SLC9A9: variants seen among roughly 807,000 people sequenced by gnomAD.
SLC9A9 encodes solute carrier family 9 member A9, also known as sodium/hydrogen exchanger 9.
SLC9A9 carries 62 observed loss-of-function variants against 77.8 expected under a neutral mutation model. The observed-to-expected ratio is 0.80, with a 90% CI of 0.65 to 0.98. The LOEUF (loss-of-function observed/expected upper bound fraction) is 0.98. Among genes scored for constraint, SLC9A9 ranks in the 50% least tolerant of loss-of-function variants. The probability of loss-of-function intolerance (pLI) is 0.00; values close to 1 mark genes in which losing one functional copy is unlikely to be tolerated. For synonymous variants in SLC9A9, 320 were observed against 283.5 expected, an observed-to-expected ratio of 1.13 and a Z score of -1.29; for missense variants, 775 against 774.9, an observed-to-expected ratio of 1.00 and a Z score of 0.00.
rs559072875 is a variant in SLC9A9 at position 143,268,990 on chromosome 3, C to A, written c.1605-10G>T. 6.3e-7 allele frequency: 1 copy of A among 1,587,922 alleles called. No homozygotes were observed. Among genetic ancestry groups the A allele is most frequent in the Admixed American group, 1.7e-5 (1 of 59,968 alleles). On this transcript the variant is annotated splice_polypyrimidine_tract_variant and intron_variant, in intron 14 of 15. Coordinates refer to ENST00000316549, the MANE Select transcript of SLC9A9 (RefSeq NM_173653.4). ...AATTGGTTTCAGATACCTGGGAGGC[C>A]TGTTAAGGAATACTTGTCAACAGGG... is the stretch of plus-strand genomic sequence containing the variant.
chr3:143,792,896 A>G (rs2008264599), intron 4 of SLC9A9, among the ~76,000 whole-genome samples: 1 of 152,166 alleles, frequency 6.6e-6, no homozygotes, highest in Non-Finnish European at 1.5e-5. Flanking sequence ...ACCTCCCTAA[A>G]GTATGAATCT....
chr3:143,698,663 C>G (rs1933707147), intron 4 of SLC9A9, among the ~76,000 whole-genome samples: 2 of 152,168 alleles, frequency 1.3e-5, no homozygotes, highest in African/African-American at 2.4e-5. Flanking sequence ...GTAACTTAAT[C>G]TCAGTATTCT....
At chr3:143,754,265 T>C (rs1169097650) in intron 4 of SLC9A9, among the ~76,000 whole-genome samples, 1 of 152,250 alleles carries the variant, frequency 6.6e-6, no homozygotes, top group African/African-American at 2.4e-5. Context: ...TCTGTTTCAG[T>C]AAAAGTCCCA....
rs1196643809 is a variant in SLC9A9, at chr3:143,834,578, T to TTTC, written c.176-2358_176-2357insGAA. ...CCTAGTGGGCGAGGCACTCTTTTTT[T>TTTC]TTTTTTTTTTTTTTACAAAATGCTT... On this transcript the variant is annotated intron_variant, in intron 1 of 15. Transcript: ENST00000316549. Among the ~76,000 whole-genome samples, 3 of 150,230 alleles carry TTTC rather than the reference T, an allele frequency of 2.0e-5. No homozygotes were observed. The East Asian group carries it at 5.9e-4, about 29-fold the overall frequency.
intron 9 of SLC9A9, among the ~76,000 whole-genome samples, chr3:143,502,889 A>T (rs1023259947): frequency 1.3e-5 from 2 of 152,200 alleles, no homozygotes; most frequent in African/African-American, 4.8e-5. Context: ...GGAGCTTTCT[A>T]CACAGAATAT....
intron 12 of SLC9A9, among the ~76,000 whole-genome samples, chr3:143,464,631 G>A (rs979609198): frequency 4.5e-4 from 68 of 152,108 alleles, no homozygotes; most frequent in African/African-American, 1.6e-3. Flanking sequence ...CTCCACTAGC[G>A]GTAGGAAGTC....
chr3:143,390,323 A>C (rs1305805223), intron 12 of SLC9A9, among the ~76,000 whole-genome samples: 1 of 152,216 alleles, frequency 6.6e-6, no homozygotes, highest in Non-Finnish European at 1.5e-5. Flanking sequence ...GAACATTAGG[A>C]GTTAGACATT....
At chr3:143,582,375 C>A (rs901876598) in intron 6 of SLC9A9, among the ~76,000 whole-genome samples, 1 of 152,138 alleles carries the variant, frequency 6.6e-6, no homozygotes, top group Admixed American at 6.5e-5. Flanking sequence ...TGGATTAAGT[C>A]GTTCCTTGAG....
intron 6 of SLC9A9, among the ~76,000 whole-genome samples, chr3:143,598,646 G>T (rs1395226124): frequency 3.9e-5 from 6 of 152,260 alleles, no homozygotes; most frequent in Admixed American, 6.5e-5. Context: ...AAGCACTGCT[G>T]ATGGGGCTCA....
intron 12 of SLC9A9, among the ~76,000 whole-genome samples, chr3:143,426,513 AT>A (rs2034411205): frequency 6.6e-6 from 1 of 152,062 alleles, no homozygotes; most frequent in Non-Finnish European, 1.5e-5. Context: ...TGTAGTAGCA[AT>A]TTTTCTAGCC....
At chr3:143,837,153 T>C (rs944561592) in intron 1 of SLC9A9, among the ~76,000 whole-genome samples, 6 of 152,184 alleles carry the variant, frequency 3.9e-5, no homozygotes, top group Non-Finnish European at 5.9e-5. Context: ...GATTTTAATC[T>C]CTTTGGCTGT....
At chr3:143,479,720 A>G (rs2035542021) in intron 11 of SLC9A9, among the ~76,000 whole-genome samples, 1 of 151,862 alleles carries the variant, frequency 6.6e-6, no homozygotes, top group African/African-American at 2.4e-5. Context: ...GAGAGAGGAG[A>G]GCAGGAGCCA....
intron 1 of SLC9A9, among the ~76,000 whole-genome samples, chr3:143,842,955 A>G (rs1026308355): frequency 2.0e-5 from 3 of 152,176 alleles, no homozygotes; most frequent in Non-Finnish European, 4.4e-5. Flanking sequence ...TGGAAGGGAG[A>G]CATGTGATAT....
intron 12 of SLC9A9, among the ~76,000 whole-genome samples, chr3:143,462,892 A>G (rs1438141425): frequency 6.6e-6 from 1 of 152,204 alleles, no homozygotes; most frequent in African/African-American, 2.4e-5. Flanking sequence ...TAGGCTCCCC[A>G]GATTGGAGCC....
intron 12 of SLC9A9, among the ~76,000 whole-genome samples, chr3:143,444,433 G>A (rs2034806178): frequency 1.3e-5 from 2 of 152,178 alleles, no homozygotes; most frequent in African/African-American, 4.8e-5. Flanking sequence ...CAGCAGCCTA[G>A]GCCACTTGGA....
intron 6 of SLC9A9, among the ~76,000 whole-genome samples, chr3:143,641,458 A>G (rs1051849146): frequency 3.1e-4 from 43 of 136,748 alleles, no homozygotes; most frequent in African/African-American, 1.1e-3. Flanking sequence ...CAGTGGCGCA[A>G]TCTTGACTCA....
chr3:143,275,215 A>G (rs917456052), intron 14 of SLC9A9, among the ~76,000 whole-genome samples: 26 of 152,220 alleles, frequency 1.7e-4, no homozygotes, highest in African/African-American at 6.3e-4. Flanking sequence ...TTTGACATGC[A>G]AAGTTGTTCC....
chr3:143,321,143 C>T (rs1484712557), intron 14 of SLC9A9, among the ~76,000 whole-genome samples: 2 of 152,146 alleles, frequency 1.3e-5, no homozygotes, highest in Non-Finnish European at 2.9e-5. Context: ...TTGTTTTAAG[C>T]CACCCAGTTT....
chr3:143,593,870 TAAACCCCAC>T (rs1476590460), intron 6 of SLC9A9, among the ~76,000 whole-genome samples: 2 of 152,164 alleles, frequency 1.3e-5, no homozygotes, highest in Admixed American at 1.3e-4. Context: ...AAAAGTATGA[TAAACCCCAC>T]AAACCTAATG....
Sources: allele counts gnomAD v4.1 joint callset (sites outside exome capture counted in the v4.1 genomes callset), GRCh38; gene constraint gnomAD v4.1.1; transcripts MANE v1.5; gene names NCBI Gene and HGNC (gene_info 2026-07-23, HGNC 2026-07-21).